Variants in RNF185 observed in about 807,000 individuals in gnomAD.
The protein encoded by RNF185 is ring finger protein 185.
In RNF185, 13 loss-of-function variants were observed where a neutral mutation model predicts 24.9. The ratio of observed to expected loss-of-function variants is 0.52; its 90% CI spans 0.34 to 0.83. The LOEUF (loss-of-function observed/expected upper bound fraction) is 0.83, where lower values mean the gene tolerates loss of function less well. RNF185 is among the 40% of genes least tolerant of loss of function. The pLI is 0.01. For synonymous variants in RNF185, 79 were observed against 90.3 expected, an observed-to-expected ratio of 0.88 and a Z score of 0.71; for missense variants, 184 against 244.7, an observed-to-expected ratio of 0.75 and a Z score of 1.65.
At chr22:31,180,986 C>T (rs1354874048) in intron 1 of RNF185, among the ~76,000 whole-genome samples, 1 of 151,108 alleles carries the variant, frequency 6.6e-6, no homozygotes, top group South Asian at 2.1e-4. Context: ...TATGGATCCA[C>T]ACACATACAT....
chr22:31,174,193 C>G (rs756934467), intron 1 of RNF185, among the ~76,000 whole-genome samples: 1 of 152,178 alleles, frequency 6.6e-6, no homozygotes, highest in Non-Finnish European at 1.5e-5. Flanking sequence ...AAGAAAATAA[C>G]TTGTCTGAAA....
chr22:31,165,697 G>C (rs1199537033), intron 1 of RNF185, among the ~76,000 whole-genome samples: 1 of 152,192 alleles, frequency 6.6e-6, no homozygotes, highest in East Asian at 1.9e-4. Context: ...CAAGTGAAAG[G>C]AAGGGTACTA....
chr22:31,163,783 C>T (rs1237809966), intron 1 of RNF185, among the ~76,000 whole-genome samples: 1 of 151,734 alleles, frequency 6.6e-6, no homozygotes, highest in East Asian at 1.9e-4. Context: ...AAGCAATTCT[C>T]CTGCCTCAGC....
At position 31,204,792 on chromosome 22, in the gene RNF185, C is replaced by G. The variant is rs1341718486; in HGVS notation, c.*206C>G. On this transcript the variant is annotated 3_prime_UTR_variant, in exon 7 of 7. Coordinates refer to ENST00000326132, the MANE Select transcript of RNF185 (RefSeq NM_152267.4). Reference sequence around the variant, plus strand: ...GAATATCGCCACCGCTGTAAACACTCTATAACTTCAGGCCTTGGCATTGAG... The same window carrying G: ...GAATATCGCCACCGCTGTAAACACTGTATAACTTCAGGCCTTGGCATTGAG... The G allele has an allele frequency of 3.7e-6, 2 of 541,512 alleles. No individual in the cohort carries two copies. Among genetic ancestry groups the G allele is most frequent in the Non-Finnish European group, 3.4e-6 (1 of 298,238 alleles). 33.5% of individuals were successfully genotyped at this position (541,512 alleles called of 1,614,324 possible).
intron 2 of RNF185, among the ~76,000 whole-genome samples, chr22:31,191,092 A>G (rs902751864): frequency 2.0e-5 from 3 of 152,218 alleles, no homozygotes; most frequent in Non-Finnish European, 4.4e-5. Context: ...GAAATTGCCT[A>G]ATGACACATT....
intron 1 of RNF185, among the ~76,000 whole-genome samples, chr22:31,173,318 A>G (rs2047947962): frequency 1.3e-5 from 2 of 151,582 alleles, no homozygotes; most frequent in South Asian, 4.1e-4. Flanking sequence ...TTGCTGTTAT[A>G]GGATACTGAT....
chr22:31,177,732 T>C (rs1279868541), intron 1 of RNF185, among the ~76,000 whole-genome samples: 1 of 152,240 alleles, frequency 6.6e-6, no homozygotes, highest in Non-Finnish European at 1.5e-5. Flanking sequence ...ATGCCTGTTA[T>C]TTATCACCCA....
chr22:31,163,915 C>G (rs978942374), intron 1 of RNF185, among the ~76,000 whole-genome samples: 2 of 151,920 alleles, frequency 1.3e-5, no homozygotes, highest in Non-Finnish European at 2.9e-5. Flanking sequence ...CTCAAGTGAT[C>G]CACCCACCTC....
chr22:31,169,851 A>G (rs1475268024), intron 1 of RNF185, among the ~76,000 whole-genome samples: 1 of 151,926 alleles, frequency 6.6e-6, no homozygotes, highest in African/African-American at 2.4e-5. Context: ...CCAGCCTTCA[A>G]ACCGTACTTC....
intron 1 of RNF185, among the ~76,000 whole-genome samples, chr22:31,175,749 T>C (rs2047976561): frequency 6.6e-6 from 1 of 152,184 alleles, no homozygotes; most frequent in African/African-American, 2.4e-5. Flanking sequence ...ACCTATTGAA[T>C]TTTGAGCCAT....
chr22:31,194,842 A>G (rs1045090884), intron 3 of RNF185, among the ~76,000 whole-genome samples: 4 of 152,178 alleles, frequency 2.6e-5, no homozygotes, highest in African/African-American at 9.7e-5. Flanking sequence ...AGCAGCCTAA[A>G]TTGAGGCTGG....
chr22:31,202,906 G>A (rs1018571234), intron 6 of RNF185, among the ~76,000 whole-genome samples: 5 of 152,166 alleles, frequency 3.3e-5, no homozygotes, highest in African/African-American at 4.8e-5. Context: ...GAGCCACCGC[G>A]CCCGGCCCTG....
At chr22:31,175,385 T>G (rs2047973035) in intron 1 of RNF185, among the ~76,000 whole-genome samples, 3 of 142,622 alleles carry the variant, frequency 2.1e-5, no homozygotes, top group Admixed American at 7.2e-5. Flanking sequence ...ACCCGGTAGG[T>G]GGAGGTTGCA....
At position 31,201,656 on chromosome 22, in the gene RNF185, G is replaced by C. The variant is rs749849070; in HGVS notation, c.481+41G>C. On this transcript the variant is annotated intron_variant, in intron 6 of 6. Coordinates refer to ENST00000326132, the MANE Select transcript of RNF185 (RefSeq NM_152267.4). The stretch of plus-strand genomic sequence containing the variant: ...CTTGAGAAATTAGGAAGATATCTTA[G>C]TAATATTGCTTGAAAGCTCCTTGGA... 4 of 1,400,664 alleles carry C rather than the reference G, an allele frequency of 2.9e-6. No homozygotes were observed. In the East Asian group the frequency reaches 9.1e-5, roughly 32 times the overall value. The allele number at this position is 1,400,664 out of a possible 1,614,324, so 86.8% of individuals were successfully genotyped here. A position where few individuals can be genotyped will look rare whatever the true frequency, so the allele number is the denominator to read the frequency against.
chr22:31,166,742 C>T (rs1923950301), intron 1 of RNF185, among the ~76,000 whole-genome samples: 2 of 152,008 alleles, frequency 1.3e-5, no homozygotes, highest in South Asian at 2.1e-4. Context: ...CTCCACCTCC[C>T]GGGTTCAAAT....
chr22:31,188,411 A>G (rs929666281), intron 2 of RNF185, among the ~76,000 whole-genome samples: 29 of 152,354 alleles, frequency 1.9e-4, no homozygotes, highest in South Asian at 8.3e-4. Flanking sequence ...AATTCAGGAT[A>G]CTTCAGGGTA....
At chr22:31,194,219 AC>A (rs1157440330) in intron 3 of RNF185, among the ~76,000 whole-genome samples, 1 of 151,994 alleles carries the variant, frequency 6.6e-6, no homozygotes, top group African/African-American at 2.4e-5. Flanking sequence ...TTTTAATGTA[AC>A]CAGTGAAAGG....
rs2048106288 is a variant in RNF185, at chr22:31,187,059, GAA to G, written c.-34_-33del. ...CTCTGCCTTTTAGGATTTCCCTGGG[GAA>G]AGTCTTCACTCAGAGCTTCGCTGAC... is the stretch of plus-strand genomic sequence containing the variant. On this transcript the variant is annotated 5_prime_UTR_variant, in exon 2 of 7. Coordinates refer to ENST00000326132, the MANE Select transcript of RNF185 (RefSeq NM_152267.4). 6.3e-7 allele frequency: 1 copy of G among 1,578,456 alleles called. No individual in the cohort carries two copies. The highest frequency in any genetic ancestry group is 8.6e-7 in the Non-Finnish European group (1 of 1,165,270).
At chr22:31,164,021 G>T (rs1364755161) in intron 1 of RNF185, among the ~76,000 whole-genome samples, 4 of 150,546 alleles carry the variant, frequency 2.7e-5, no homozygotes, top group African/African-American at 9.8e-5. Context: ...CACTCTTGTT[G>T]CCCAGGCTGG....
Sources: allele counts gnomAD v4.1 joint callset (sites outside exome capture counted in the v4.1 genomes callset), GRCh38; gene constraint gnomAD v4.1.1; transcripts MANE v1.5; gene names NCBI Gene and HGNC (gene_info 2026-07-23, HGNC 2026-07-21).